NEK11: variants seen among roughly 807,000 people sequenced by gnomAD.
NEK11 encodes NIMA related kinase 11, also known as serine/threonine-protein kinase Nek11.
Under a neutral mutation model 80.7 loss-of-function variants are expected in NEK11, and 72 were observed. The ratio of observed to expected loss-of-function variants is 0.89; its 90% CI spans 0.74 to 1.08. The LOEUF (loss-of-function observed/expected upper bound fraction) is 1.08, where lower values mean the gene tolerates loss of function less well. Among genes scored for constraint, NEK11 ranks in the 50% least tolerant of loss-of-function variants. The pLI, the probability that NEK11 is intolerant of heterozygous loss-of-function variation, is 0.00. For synonymous variants in NEK11, 251 were observed against 260.7 expected (o/e 0.96, Z 0.36); for missense variants, 764 against 763.6 (o/e 1.00, Z -0.01).
intron 17 of NEK11, among the ~76,000 whole-genome samples, chr3:131,281,498 G>C (rs1231260281): frequency 6.6e-6 from 1 of 151,628 alleles, no homozygotes; most frequent in Non-Finnish European, 1.5e-5. Flanking sequence ...TATTCAACCT[G>C]TAACCTAATG....
intron 3 of NEK11, among the ~76,000 whole-genome samples, chr3:131,052,075 A>C (rs955520024): frequency 8.6e-5 from 13 of 151,346 alleles, no homozygotes; most frequent in Admixed American, 2.0e-4. Flanking sequence ...AAGAATACAG[A>C]GTCTTATTTT....
At chr3:131,280,600 G>A (rs978474720) in intron 17 of NEK11, among the ~76,000 whole-genome samples, 2 of 152,046 alleles carry the variant, frequency 1.3e-5, no homozygotes, top group East Asian at 1.9e-4. Context: ...CTAGAAGTTT[G>A]GTTTGAGTCT....
intron 3 of NEK11, among the ~76,000 whole-genome samples, chr3:131,072,600 G>C (rs56000035): frequency 6.6e-6 from 1 of 152,196 alleles, no homozygotes; most frequent in African/African-American, 2.4e-5. Context: ...GGGGGAGAAA[G>C]ATAGGGACAA....
intron 4 of NEK11, among the ~76,000 whole-genome samples, chr3:131,108,259 A>G (rs1159330909): frequency 6.6e-6 from 1 of 152,180 alleles, no homozygotes; most frequent in Non-Finnish European, 1.5e-5. Context: ...TTGTTTCATT[A>G]GAAGTAATTT....
intron 5 of NEK11, among the ~76,000 whole-genome samples, chr3:131,132,298 C>T (rs1292136524): frequency 6.6e-6 from 1 of 151,962 alleles, no homozygotes; most frequent in Non-Finnish European, 1.5e-5. Context: ...ATTTACATTA[C>T]TGACTTATAG....
chr3:131,220,678 A>T (rs934866011), intron 14 of NEK11, among the ~76,000 whole-genome samples: 1 of 152,184 alleles, frequency 6.6e-6, no homozygotes, highest in African/African-American at 2.4e-5. Flanking sequence ...CCTTCTGCTG[A>T]GGGCTCCCAC....
At chr3:131,186,352 G>T (rs535643433) in intron 14 of NEK11, among the ~76,000 whole-genome samples, 9 of 152,132 alleles carry the variant, frequency 5.9e-5, no homozygotes, top group Non-Finnish European at 1.2e-4. Context: ...CTGGGCCAGT[G>T]AACTTAGTAC....
At chr3:131,076,573 TAAAA>T (rs1245286074) in intron 3 of NEK11, among the ~76,000 whole-genome samples, 1 of 152,004 alleles carries the variant, frequency 6.6e-6, no homozygotes, top group Non-Finnish European at 1.5e-5. Flanking sequence ...AAATGATAAA[TAAAA>T]AAACACAAAA....
At chr3:131,126,737 A>G (rs2083402846) in intron 5 of NEK11, among the ~76,000 whole-genome samples, 1 of 151,950 alleles carries the variant, frequency 6.6e-6, no homozygotes, top group South Asian at 2.1e-4. Flanking sequence ...ATTCATGAAA[A>G]CTTCTAAATT....
At chr3:131,232,060 A>G (rs911417625) in intron 15 of NEK11, among the ~76,000 whole-genome samples, 2 of 152,176 alleles carry the variant, frequency 1.3e-5, no homozygotes, top group Non-Finnish European at 2.9e-5. Context: ...TTTATTAAGC[A>G]CCTAATTGCT....
At chr3:131,200,517 C>G (rs2094187917) in intron 14 of NEK11, among the ~76,000 whole-genome samples, 1 of 152,188 alleles carries the variant, frequency 6.6e-6, no homozygotes, top group East Asian at 1.9e-4. Flanking sequence ...TGTGTGAAAC[C>G]AGCCCAACAG....
intron 17 of NEK11, among the ~76,000 whole-genome samples, chr3:131,331,926 T>C (rs1455900875): frequency 6.6e-6 from 1 of 152,184 alleles, no homozygotes; most frequent in Non-Finnish European, 1.5e-5. Context: ...GCGCCTGCCA[T>C]TGCCCAGGCT....
rs748936920 is a variant in NEK11 at position 131,133,368 on chromosome 3, A to G, written c.521-462A>G. On this transcript the variant is annotated intron_variant, in intron 6 of 17. Coordinates refer to ENST00000383366, the MANE Select transcript of NEK11 (RefSeq NM_024800.5). ...TGCAACTAGTTAGGCAAGTATTAAA[A>G]AGCTGATAGATTCAAATTTTTATAG... The G allele has an allele frequency of 6.5e-5, 28 of 429,604 alleles. 1 individual carries two copies. The highest frequency in any genetic ancestry group is 3.9e-4 in the South Asian group (23 of 58,724). 26.6% of individuals were successfully genotyped at this position (429,604 alleles called of 1,614,324 possible). A position where few individuals can be genotyped will look rare whatever the true frequency, so the allele number is the denominator to read the frequency against.
chr3:131,049,245 A>G (rs1287840692), intron 3 of NEK11, among the ~76,000 whole-genome samples: 1 of 152,226 alleles, frequency 6.6e-6, no homozygotes, highest in Non-Finnish European at 1.5e-5. Context: ...TGGACTCAGC[A>G]TGATTATGTT....
chr3:131,235,631 A>G (rs1307890869), intron 15 of NEK11, among the ~76,000 whole-genome samples: 1 of 152,178 alleles, frequency 6.6e-6, no homozygotes, highest in Non-Finnish European at 1.5e-5. Context: ...GGAAAACACC[A>G]GTCATAATAA....
At chr3:131,154,953 T>C (rs2090396631) in intron 9 of NEK11, 83 bp from the exon 10 acceptor site, 4 of 830,734 alleles carry the variant, frequency 4.8e-6, no homozygotes, top group South Asian at 4.8e-5. Context: ...GCACCCCAAA[T>C]CTGAAAAGAT....
intron 7 of NEK11, among the ~76,000 whole-genome samples, chr3:131,142,245 C>T (rs1326037283): frequency 6.6e-6 from 1 of 152,202 alleles, no homozygotes; most frequent in East Asian, 1.9e-4. Flanking sequence ...CCAATTCCCC[C>T]TGTGGGGGAA....
chr3:131,271,164 A>AG (rs2096177558), intron 16 of NEK11, among the ~76,000 whole-genome samples: 1 of 152,164 alleles, frequency 6.6e-6, no homozygotes, highest in African/African-American at 2.4e-5. Context: ...CAGGTGTGGA[A>AG]GGGGCAATCT....
At chr3:131,285,219 G>A (rs2096455982) in intron 17 of NEK11, among the ~76,000 whole-genome samples, 1 of 152,206 alleles carries the variant, frequency 6.6e-6, no homozygotes, top group Admixed American at 6.5e-5. Flanking sequence ...TTTTCATGTG[G>A]AAAGGTTTCT....
Sources: allele counts gnomAD v4.1 joint callset (sites outside exome capture counted in the v4.1 genomes callset), GRCh38; gene constraint gnomAD v4.1.1; transcripts MANE v1.5; gene names NCBI Gene and HGNC (gene_info 2026-07-23, HGNC 2026-07-21).